Variants in ADAR observed in about 807,000 individuals in gnomAD.
ADAR encodes the protein adenosine deaminase RNA specific, also known as double-stranded RNA-specific adenosine deaminase.
In ADAR, 41 loss-of-function variants were observed where a neutral mutation model predicts 113.2. That is an observed-to-expected ratio of 0.36 (90% CI 0.28 to 0.47). The LOEUF is 0.47. ADAR is among the 20% of genes least tolerant of loss of function. The pLI is 1.00. For missense variants in ADAR, 1,242 were observed against 1,540.9 expected (o/e 0.81, Z 3.25); for synonymous variants, 605 against 572.6 (o/e 1.06, Z -0.81).
chr1:154,597,347 C>T, intron 4 of ADAR, 80 bp from the exon 5 acceptor site: 7 of 1,532,310 alleles, frequency 4.6e-6, no homozygotes, highest in Non-Finnish European at 6.3e-6. Context: ...AGGCTGCCAT[C>T]CTCCACTACT....
Position 154,585,497 on chromosome 1 carries a change from T to C in ADAR, c.3316-153A>G, listed in dbSNP as rs1237480077. 7 of 1,069,906 alleles carry C rather than the reference T, an allele frequency of 6.5e-6. No homozygotes were observed. The Admixed American group carries it at 8.0e-5, about 12-fold the overall frequency. The allele number at this position is 1,069,906 out of a possible 1,614,324, so 66.3% of individuals were successfully genotyped here. A position where few individuals can be genotyped will look rare whatever the true frequency, so the allele number is the denominator to read the frequency against. ...TGTTTGGCTAAGACTGAGCACCCTC[T>C]AGACATACTAACTCCACCTCGATTC... On this transcript the variant is annotated intron_variant, in intron 13 of 14. Coordinates refer to ENST00000368474, the MANE Select transcript of ADAR (RefSeq NM_001111.5).
chr1:154,594,334 C>A (rs1697359321), intron 6 of ADAR, among the ~76,000 whole-genome samples: 1 of 152,206 alleles, frequency 6.6e-6, no homozygotes. Flanking sequence ...GTCCCTCCTT[C>A]CCCAGAAGCA....
At chr1:154,608,246 G>A, upstream of ADAR, 1 of 521,608 alleles carries the variant, frequency 1.9e-6, no homozygotes, top group East Asian at 3.5e-5. Flanking sequence ...CAAGAGGAGG[G>A]GCTTGAGCAA....
rs560113135 is a variant in ADAR at position 154,604,921 on chromosome 1, A to T, written c.16-2295T>A. ...TTCCAACTATGTCGACAGTCTGTCC[A>T]CTTAAATATCCTGCCATAACTCAAA... On this transcript the variant is annotated intron_variant, in intron 1 of 14. Coordinates refer to ENST00000368474, the MANE Select transcript of ADAR (RefSeq NM_001111.5). 6.7e-4 allele frequency among the ~76,000 whole-genome samples: 102 copies of T among 152,334 alleles called. 1 individual carries two copies. The highest frequency in any genetic ancestry group is 6.8e-3 in the Middle Eastern group (2 of 294).
upstream of ADAR, among the ~76,000 whole-genome samples, chr1:154,612,684 T>C (rs1698521902): frequency 6.6e-6 from 1 of 152,196 alleles, no homozygotes; most frequent in Admixed American, 6.5e-5. Flanking sequence ...AGGAAATGTA[T>C]AGTAAGCAAT....
At chr1:154,625,683 A>G (rs1159390015) in intron 1 of ADAR, among the ~76,000 whole-genome samples, 1 of 152,122 alleles carries the variant, frequency 6.6e-6, no homozygotes, top group Non-Finnish European at 1.5e-5. Context: ...ACATGGTGAA[A>G]CCCCATCTCT....
chr1:154,613,125 C>A (rs1261050430), upstream of ADAR, among the ~76,000 whole-genome samples: 1 of 151,848 alleles, frequency 6.6e-6, no homozygotes, highest in East Asian at 1.9e-4. Flanking sequence ...ACATTAATTT[C>A]CAAAATTCAC....
rs1392019472 is a variant in ADAR, at chr1:154,601,001, T to C, written c.1601+40A>G. The C allele has an allele frequency of 3.7e-6, 6 of 1,613,202 alleles. No homozygotes were observed. Among genetic ancestry groups the C allele is most frequent in the African/African-American group, 1.3e-5 (1 of 74,928 alleles). Reference sequence around the variant, plus strand: ...AGACTGCGTCAGGAGCAAAAGCACCTGACCCCAACCCTAGGTACAGTTCCT... The same window carrying C: ...AGACTGCGTCAGGAGCAAAAGCACCCGACCCCAACCCTAGGTACAGTTCCT... On this transcript the variant is annotated intron_variant, in intron 2 of 14. Transcript: ENST00000368474. The surrounding 1 kb of genome is among the most constrained non-coding windows in gnomAD (Gnocchi z 4.7).
intron 1 of ADAR, among the ~76,000 whole-genome samples, chr1:154,615,051 T>A (rs539307120): frequency 6.6e-6 from 1 of 152,358 alleles, no homozygotes; most frequent in South Asian, 2.1e-4. Context: ...ACACAAGCGA[T>A]GCCAGCACCC....
chr1:154,592,861 C>T (rs1402827387), intron 6 of ADAR, among the ~76,000 whole-genome samples: 1 of 151,684 alleles, frequency 6.6e-6, no homozygotes, highest in South Asian at 2.1e-4. Context: ...TCATGGCTGT[C>T]GCGGTGGTTC....
chr1:154,590,143 C>G, intron 7 of ADAR, 41 bp downstream of exon 7: 9 of 1,034,528 alleles, frequency 8.7e-6, no homozygotes, highest in Non-Finnish European at 1.2e-5. Flanking sequence ...TTAGGAGGAC[C>G]CCCCCGCCCC....
At chr1:154,607,963 G>A in intron 1 of ADAR, 29 bp downstream of exon 1, 1 of 1,611,630 alleles carries the variant, frequency 6.2e-7, no homozygotes, top group Non-Finnish European at 8.5e-7. Flanking sequence ...CCCAGACGGC[G>A]GCGAAGGTCC....
chr1:154,610,039 C>A (rs554636887), upstream of ADAR, among the ~76,000 whole-genome samples: 1 of 152,288 alleles, frequency 6.6e-6, no homozygotes, highest in East Asian at 1.9e-4. Context: ...GACAACTTCA[C>A]AGGAGATAAA....
upstream of ADAR, among the ~76,000 whole-genome samples, chr1:154,613,062 C>T (rs1413707447): frequency 1.3e-5 from 2 of 151,852 alleles, no homozygotes; most frequent in East Asian, 2.0e-4. Context: ...CCGCCTGCCT[C>T]GGCCTCCCAA....
At chr1:154,627,184 C>T (rs2101709816) in intron 1 of ADAR, among the ~76,000 whole-genome samples, 2 of 152,344 alleles carry the variant, frequency 1.3e-5, no homozygotes, top group South Asian at 4.1e-4. Flanking sequence ...CACGAAACAC[C>T]TGGGGCCGGA....
chr1:154,593,147 A>AAAC (rs1553210399), intron 6 of ADAR, among the ~76,000 whole-genome samples: 152 of 151,520 alleles, frequency 1.0e-3, no homozygotes, highest in African/African-American at 3.4e-3. Flanking sequence ...AAAAAAAAAA[A>AAAC]AAAAAAAAAC....
chr1:154,605,274 T>TA (rs997302131), intron 1 of ADAR, among the ~76,000 whole-genome samples: 1 of 152,186 alleles, frequency 6.6e-6, no homozygotes, highest in African/African-American at 2.4e-5. Flanking sequence ...CACAGCCACC[T>TA]ATCACAACTC....
intron 1 of ADAR, among the ~76,000 whole-genome samples, chr1:154,620,152 T>TA (rs1698749711): frequency 6.6e-6 from 1 of 152,240 alleles, no homozygotes; most frequent in Non-Finnish European, 1.5e-5. Context: ...CTCATGCCTG[T>TA]AATCCCAGCA....
chr1:154,606,081 T>G (rs778330678), intron 1 of ADAR: 1 of 352,722 alleles, frequency 2.8e-6, no homozygotes, highest in Non-Finnish European at 4.0e-6. Context: ...CTCGGCTCAC[T>G]GCAATCAGGC....
Sources: gnomAD v4.1 joint callset for allele counts (sites outside exome capture counted in the v4.1 genomes callset) on GRCh38, gnomAD v4.1.1 for gene constraint, Gnocchi (gnomAD v3.1) non-coding constraint, MANE v1.5 for transcripts, NCBI Gene and HGNC (gene_info 2026-07-23, HGNC 2026-07-21) for gene names.